The following ZMIZ2 variants were observed in gnomAD, a reference collection of about 807,000 sequenced individuals.
ZMIZ2 encodes zinc finger MIZ domain-containing protein 2.
In ZMIZ2, 26 loss-of-function variants were observed where a neutral mutation model predicts 93.9. The observed-to-expected ratio is 0.28, with a 90% CI of 0.20 to 0.38. The LOEUF (loss-of-function observed/expected upper bound fraction) is 0.38. ZMIZ2 is among the 10% of genes least tolerant of loss of function. ZMIZ2 has a pLI of 1.00. For synonymous variants in ZMIZ2, 485 were observed against 516.4 expected, an observed-to-expected ratio of 0.94 and a Z score of 0.82; for missense variants, 1,023 against 1,235.0, an observed-to-expected ratio of 0.83 and a Z score of 2.57.
At position 44,757,080 on chromosome 7, in the gene ZMIZ2, A is replaced by T; in HGVS notation, c.299A>T (p.Asn100Ile). The T allele has an allele frequency of 6.2e-7, 1 of 1,607,376 alleles. No individual in the cohort carries two copies. The highest frequency in any genetic ancestry group is 2.2e-5 in the East Asian group (1 of 44,814). ...GQQAFAEGGA[N>I]KGYVQQGVYS... ...CAGGCGTTTGCTGAAGGCGGCGCCA[A>T]CAAGGGCTACGTGCAGCAAGGCGTG... Residue 100 changes from asparagine (N) to isoleucine (I), a missense_variant, in exon 4 of 19, where the codon AAC (asparagine) becomes ATC (isoleucine). Physicochemically the swap from Asn to Ile is moderately radical, Grantham distance 149. Transcript: ENST00000309315.
In ZMIZ2 at chr7:44,761,865, G is replaced by C; in HGVS notation, c.1556G>C (p.Gly519Ala). Residue 519 changes from glycine to alanine, a missense_variant, in exon 11 of 19, where the codon GGC (glycine) becomes GCC (alanine). Around this residue, in one of 3 missense-constraint regions of ZMIZ2, gnomAD observed 656 missense variants for 777.1 expected, o/e 0.84. Transcript: ENST00000309315. This position sits in a 1 kb window ranked among gnomAD's most constrained non-coding sequence, Gnocchi z 5.8. ...PLYLKHVCQP[G>A]RNTIQITVTA... ...TACCTGAAGCATGTGTGCCAGCCAG[G>C]CCGCAACACCATCCAGATCACCGTC... 2 of 1,613,932 alleles carry C rather than the reference G, an allele frequency of 1.2e-6. No individual in the cohort carries two copies. Among genetic ancestry groups the C allele is most frequent in the Non-Finnish European group, 1.7e-6 (2 of 1,180,030 alleles).
rs958928137 is a variant in ZMIZ2, at chr7:44,766,718, G to A, written c.2655+55G>A. The A allele has an allele frequency of 3.8e-6, 6 of 1,599,106 alleles. No individual in the cohort carries two copies. The highest frequency in any genetic ancestry group is 5.1e-6 in the Non-Finnish European group (6 of 1,170,622). On this transcript the variant is annotated intron_variant, in intron 18 of 18. Transcript: ENST00000309315. The surrounding 1 kb of genome is among the most constrained non-coding windows in gnomAD (Gnocchi z 4.4). Reference sequence around the variant, plus strand: ...CGTGGGAGCCAGGGCTAGAGGTGGTGTGTCTGTTCCAGGTGCGTTCTGGAA... The same window carrying A: ...CGTGGGAGCCAGGGCTAGAGGTGGTATGTCTGTTCCAGGTGCGTTCTGGAA...
Position 44,756,959 on chromosome 7 carries a change from C to G in ZMIZ2, c.178C>G (p.Pro60Ala), listed in dbSNP as rs755613971. 6 of 1,610,812 alleles carry G rather than the reference C, an allele frequency of 3.7e-6. No homozygotes were observed. In the African/African-American group the frequency reaches 5.4e-5, roughly 14 times the overall value. Residue 60 changes from proline to alanine, a missense_variant, in exon 4 of 19, where the codon CCC becomes GCC. By Grantham distance (27) the Pro-to-Ala change is conservative. Around this residue, in one of 3 missense-constraint regions of ZMIZ2, gnomAD observed 656 missense variants for 777.1 expected, o/e 0.84. Transcript: ENST00000309315. ...NATQSQVLGN[P>A]MGPAGSPSGS... ...TGCTTCCTCATAGGTTTTGGGGAACCCCATGGGCCCTGCAGGGAGTCCCTC... is the reference window on the plus strand; with the variant it reads ...TGCTTCCTCATAGGTTTTGGGGAACGCCATGGGCCCTGCAGGGAGTCCCTC...
chr7:44,760,270 G>A (rs373327781), intron 8 of ZMIZ2, 42 bp downstream of exon 8: 1 of 1,594,754 alleles, frequency 6.3e-7, no homozygotes, highest in South Asian at 1.1e-5. Context: ...AGGCTCACAG[G>A]GTGGGCATAT....
Position 44,766,470 on chromosome 7 carries a change from G to GACT in ZMIZ2, c.2465_2467dup (p.Leu822dup), listed in dbSNP as rs1562750878. The GACT allele has an allele frequency of 4.3e-6, 7 of 1,613,984 alleles. No homozygotes were observed. Among genetic ancestry groups the GACT allele is most frequent in the Non-Finnish European group, 5.9e-6 (7 of 1,180,032 alleles). ...CCCACTCACAATCCTGGGACACCAG[G>GACT]ACTACACACCTCCAACCTTGGGGCC... On this transcript the variant is annotated inframe_insertion, in exon 18 of 19. Coordinates refer to ENST00000309315, the MANE Select transcript of ZMIZ2 (RefSeq NM_031449.4). This position sits in a 1 kb window ranked among gnomAD's most constrained non-coding sequence, Gnocchi z 4.4.
Position 44,759,323 on chromosome 7 carries a change from C to T in ZMIZ2, c.856C>T (p.Pro286Ser). 6.3e-7 allele frequency: 1 copy of T among 1,599,500 alleles called. No homozygotes were observed. Among genetic ancestry groups the T allele is most frequent in the Non-Finnish European group, 8.5e-7 (1 of 1,173,340 alleles). ...QQYLQGGQYA[P>S]STAQFAPSPG... ...GTATCTGCAAGGAGGCCAGTATGCACCCAGCACCGCCCAGTTTGCGCCCAG... is the reference window on the plus strand; with the variant it reads ...GTATCTGCAAGGAGGCCAGTATGCATCCAGCACCGCCCAGTTTGCGCCCAG... Residue 286 changes from proline to serine, a missense_variant, in exon 7 of 19, where the codon CCC (proline) becomes TCC (serine). This residue lies in a region of ZMIZ2 where 656 missense variants were observed against 777.1 expected (regional missense o/e 0.84). Coordinates refer to ENST00000309315, the MANE Select transcript of ZMIZ2 (RefSeq NM_031449.4).
At position 44,761,950 on chromosome 7, in the gene ZMIZ2, G is replaced by T. The variant is rs771463569; in HGVS notation, c.1596+45G>T. 6.4e-7 allele frequency: 1 copy of T among 1,561,254 alleles called. No homozygotes were observed. Among genetic ancestry groups the T allele is most frequent in the Non-Finnish European group, 8.6e-7 (1 of 1,158,088 alleles). On this transcript the variant is annotated intron_variant, in intron 11 of 18. Transcript: ENST00000309315. The surrounding 1 kb of genome is among the most constrained non-coding windows in gnomAD (Gnocchi z 5.8). The stretch of plus-strand genomic sequence containing the variant: ...GGGGCGGTGCTGTGGCGTGGGGCGG[G>T]GTGTGGTGGGGCCTGGCCCAGCGGT...
chr7:44,764,602 A>G lies in ZMIZ2; in HGVS notation c.1928+116A>G. On this transcript the variant is annotated intron_variant, in intron 14 of 18. Transcript: ENST00000309315. ...CGAGCCTGCTGGGAGGAGTCACTGC[A>G]TGGACTGGGGTTGTGCAGCTCAGCG... 3 of 1,216,502 alleles carry G rather than the reference A, an allele frequency of 2.5e-6. No homozygotes were observed. In the Admixed American group the frequency reaches 6.1e-5, roughly 25 times the overall value. 75.4% of individuals were successfully genotyped at this position (1,216,502 alleles called of 1,614,324 possible).
intron 18 of ZMIZ2, among the ~76,000 whole-genome samples, chr7:44,767,042 C>T (rs578048046): frequency 6.6e-6 from 1 of 152,128 alleles, no homozygotes; most frequent in East Asian, 1.9e-4. Flanking sequence ...ACTGACTGTC[C>T]CTGGACCATA....
chr7:44,762,817 T>A, intron 11 of ZMIZ2, 64 bp from the exon 12 acceptor site: 34 of 1,116,724 alleles, frequency 3.0e-5, no homozygotes, highest in Non-Finnish European at 3.1e-5. Flanking sequence ...CAGCACACCC[T>A]TTACCTGGCC....
Position 44,761,454 on chromosome 7 carries a change from G to C in ZMIZ2, c.1246G>C (p.Gly416Arg), listed in dbSNP as rs577059407. The change falls in exon 10 of 19, where the codon GGG becomes CGG. Residue 416 changes from glycine to arginine, a missense_variant. By Grantham distance (125) the Gly-to-Arg change is moderately radical (BLOSUM62 -2). This residue lies in a region of ZMIZ2 where 656 missense variants were observed against 777.1 expected (regional missense o/e 0.84). Transcript: ENST00000309315. The surrounding 1 kb of genome is among the most constrained non-coding windows in gnomAD (Gnocchi z 5.8). ...NSLHSSPSGS[G>R]PCDELRLTFP... ...CCAGTGGCCTCTGCTCCCAGGAAGC[G>C]GGCCTTGTGACGAGTTGCGGCTGAC... is the stretch of plus-strand genomic sequence containing the variant. 86 of 1,613,052 alleles carry C rather than the reference G, an allele frequency of 5.3e-5. No individual in the cohort carries two copies. The highest frequency in any genetic ancestry group is 7.1e-5 in the Non-Finnish European group (84 of 1,180,026).
chr7:44,761,744 A>G lies in ZMIZ2; in HGVS notation c.1435A>G (p.Met479Val), dbSNP rs747249626. ...FKCYHHEDRQMNTNWPASVQV... is the reference protein window; with the variant it reads ...FKCYHHEDRQVNTNWPASVQV... ...GTGCTACCACCACGAGGACCGGCAG[A>G]TGAACACCAACTGGCCAGCCTCGGT... The change falls in exon 11 of 19, where the codon ATG becomes GTG. Residue 479 changes from methionine (M) to valine (V), a missense_variant. Physicochemically the swap from Met to Val is conservative, Grantham distance 21 (BLOSUM62 1). Coordinates refer to ENST00000309315, the MANE Select transcript of ZMIZ2 (RefSeq NM_031449.4). The surrounding 1 kb of genome is among the most constrained non-coding windows in gnomAD (Gnocchi z 5.8). The G allele has an allele frequency of 1.2e-6, 2 of 1,614,088 alleles. No individual in the cohort carries two copies. Among genetic ancestry groups the G allele is most frequent in the South Asian group, 2.2e-5 (2 of 91,086 alleles).
At chr7:44,759,009 G>T (rs1288059561) in intron 6 of ZMIZ2, among the ~76,000 whole-genome samples, 1 of 150,890 alleles carries the variant, frequency 6.6e-6, no homozygotes, top group African/African-American at 2.4e-5. Context: ...TTGAACCCAG[G>T]AGGTGGAGGC....
Position 44,760,298 on chromosome 7 carries a change from G to A in ZMIZ2, c.1071+70G>A, listed in dbSNP as rs1791046200. ...GGGCATATGGAGAGAGGGCGACCGG[G>A]CAGGCACCCCTGGGGCCGCCTCCTG... On this transcript the variant is annotated intron_variant, in intron 8 of 18. Coordinates refer to ENST00000309315, the MANE Select transcript of ZMIZ2 (RefSeq NM_031449.4). 3.2e-6 allele frequency: 5 copies of A among 1,567,776 alleles called. No individual in the cohort carries two copies. In the South Asian group the frequency reaches 5.9e-5, roughly 19 times the overall value.
chr7:44,764,828 C>T (rs1480610229), intron 14 of ZMIZ2, 113 bp from the exon 15 acceptor site: 65 of 1,119,544 alleles, frequency 5.8e-5, no homozygotes, highest in Non-Finnish European at 8.0e-5. Flanking sequence ...AGTTGCCTCA[C>T]ACAGGATTGC....
chr7:44,761,912 G>T lies in ZMIZ2; in HGVS notation c.1596+7G>T, dbSNP rs750316505. ...CGTCACCGCCTGCTGCTGCGTGCGT[G>T]TCCTGCGCCGAGGGGGCGGTGCTGT... On this transcript the variant is annotated splice_region_variant and intron_variant, in intron 11 of 18. Coordinates refer to ENST00000309315, the MANE Select transcript of ZMIZ2 (RefSeq NM_031449.4). The surrounding 1 kb of genome is among the most constrained non-coding windows in gnomAD (Gnocchi z 5.8). 1 of 1,609,936 alleles carries T rather than the reference G, an allele frequency of 6.2e-7. No individual in the cohort carries two copies. Among genetic ancestry groups the T allele is most frequent in the Non-Finnish European group, 8.5e-7 (1 of 1,179,422 alleles).
In ZMIZ2 at chr7:44,765,672, A is replaced by G. The variant is rs1791637334; in HGVS notation, c.2242+93A>G. Reference sequence around the variant, plus strand: ...TCTCCTCACCTGCAAGAATGTGGCTATGCAGGTCACACACCTAGGTTATCA... The same window carrying G: ...TCTCCTCACCTGCAAGAATGTGGCTGTGCAGGTCACACACCTAGGTTATCA... On this transcript the variant is annotated intron_variant, in intron 16 of 18. Coordinates refer to ENST00000309315, the MANE Select transcript of ZMIZ2 (RefSeq NM_031449.4). The surrounding 1 kb of genome is among the most constrained non-coding windows in gnomAD (Gnocchi z 4.1). The G allele has an allele frequency of 4.0e-6, 6 of 1,501,968 alleles. No individual in the cohort carries two copies. In the East Asian group the frequency reaches 9.2e-5, roughly 23 times the overall value. The allele number at this position is 1,501,968 out of a possible 1,614,324, so 93.0% of individuals were successfully genotyped here.
Position 44,766,632 on chromosome 7 carries a change from G to C in ZMIZ2, c.2624G>C (p.Gly875Ala). ...TGVMGPPSMS[G>A]AGEAPEPALD... ...GTGATGGGGCCCCCCAGCATGTCTG[G>C]AGCCGGGGAGGCCCCAGAACCAGCT... The change falls in exon 18 of 19, where the codon GGA becomes GCA. Residue 875 changes from glycine to alanine, a missense_variant. Transcript: ENST00000309315. This position sits in a 1 kb window ranked among gnomAD's most constrained non-coding sequence, Gnocchi z 4.4. The C allele has an allele frequency of 6.2e-7, 1 of 1,613,206 alleles. No individual in the cohort carries two copies. The highest frequency in any genetic ancestry group is 8.5e-7 in the Non-Finnish European group (1 of 1,180,006).
Position 44,765,563 on chromosome 7 carries a change from C to G in ZMIZ2, c.2226C>G (p.Ser742Arg). The change falls in exon 16 of 19, where the codon AGC becomes AGG. Residue 742 changes from serine to arginine, a missense_variant. Around this residue, in one of 3 missense-constraint regions of ZMIZ2, gnomAD observed 319 missense variants for 358.8 expected, o/e 0.89. Coordinates refer to ENST00000309315, the MANE Select transcript of ZMIZ2 (RefSeq NM_031449.4). This position sits in a 1 kb window ranked among gnomAD's most constrained non-coding sequence, Gnocchi z 4.1. ...PLQPPSVPAP[S>R]DYPGQGSSFL... is the part of the protein sequence containing the mutation. ...AGCCCCCCTCAGTCCCTGCCCCCAGCGACTACCCTGGCCAGGGTAAGTACA... is the reference window on the plus strand; with the variant it reads ...AGCCCCCCTCAGTCCCTGCCCCCAGGGACTACCCTGGCCAGGGTAAGTACA... 1 of 1,409,658 alleles carries G rather than the reference C, an allele frequency of 7.1e-7. No individual in the cohort carries two copies. The highest frequency in any genetic ancestry group is 9.4e-7 in the Non-Finnish European group (1 of 1,062,786). The allele number at this position is 1,409,658 out of a possible 1,614,324, so 87.3% of individuals were successfully genotyped here.
Sources: allele counts gnomAD v4.1 joint callset (sites outside exome capture counted in the v4.1 genomes callset), GRCh38; gene constraint gnomAD v4.1.1; regional missense constraint gnomAD v4.1.1; non-coding constraint Gnocchi (gnomAD v3.1); transcripts MANE v1.5; gene names NCBI Gene and HGNC (gene_info 2026-07-23, HGNC 2026-07-21).